DYNC2LI1: variants seen among roughly 807,000 people sequenced by gnomAD.
DYNC2LI1 encodes dynein cytoplasmic 2 light intermediate chain 1.
DYNC2LI1 carries 45 observed loss-of-function variants against 51.9 expected under a neutral mutation model. The observed-to-expected ratio is 0.87, with a 90% CI of 0.68 to 1.11. The LOEUF (loss-of-function observed/expected upper bound fraction) is 1.11, where lower values mean the gene tolerates loss of function less well. Ranked by LOEUF, DYNC2LI1 falls within the 50% of genes most tolerant of loss-of-function variation. The pLI is 0.00. For missense variants in DYNC2LI1, 490 were observed against 417.4 expected (o/e 1.17, Z -1.51); for synonymous variants, 130 against 137.8 (o/e 0.94, Z 0.40).
At chr2:43,814,678 A>G (rs1203055067), downstream of DYNC2LI1, 2 of 771,680 alleles carry the variant, frequency 2.6e-6, no homozygotes, top group African/African-American at 3.5e-5. Flanking sequence ...ATATTTTCCA[A>G]CAGGAATATA....
chr2:43,819,854 A>T, the DYNC2LI1 span: 1 of 1,559,012 alleles, frequency 6.4e-7, no homozygotes, highest in South Asian at 1.1e-5. Flanking sequence ...TTCAGTCATT[A>T]TTAGGTGATC....
At chr2:43,828,074 T>C in the DYNC2LI1 span, 10 of 1,614,132 alleles carry the variant, frequency 6.2e-6, no homozygotes, top group Non-Finnish European at 7.6e-6. Flanking sequence ...TCAGTCGGTC[T>C]GCCACATGGC....
chr2:43,812,136 T>G (rs1329861952), downstream of DYNC2LI1, among the ~76,000 whole-genome samples: 1 of 152,008 alleles, frequency 6.6e-6, no homozygotes, highest in Admixed American at 6.6e-5. Flanking sequence ...CTGCAGCCCC[T>G]GCCTCCTAGG....
rs775913245 is a variant in DYNC2LI1 at position 43,800,929 on chromosome 2, A to T, written c.731+12A>T. The T allele has an allele frequency of 2.0e-6, 3 of 1,532,048 alleles. No individual in the cohort carries two copies. The highest frequency in any genetic ancestry group is 1.8e-5 in the Admixed American group (1 of 56,444). 94.9% of individuals were successfully genotyped at this position (1,532,048 alleles called of 1,614,324 possible). On this transcript the variant is annotated intron_variant, in intron 9 of 12. Transcript: ENST00000260605. The stretch of plus-strand genomic sequence containing the variant: ...GGCATTGACAAAAGGTACTGCTAAG[A>T]TATTTTTTATATCATTTATTGAGTG...
the DYNC2LI1 span, chr2:43,823,990 A>AT: frequency 1.2e-6 from 2 of 1,614,214 alleles, no homozygotes; most frequent in Non-Finnish European, 1.7e-6. Context: ...GCGGTCCTGG[A>AT]TAGCACCCTT....
intron 6 of DYNC2LI1, among the ~76,000 whole-genome samples, chr2:43,795,564 GC>G (rs1673997124): frequency 6.6e-6 from 1 of 152,074 alleles, no homozygotes; most frequent in Admixed American, 6.6e-5. Context: ...ACAAATCTAT[GC>G]TGGATAAATG....
At chr2:43,823,089 C>A in the DYNC2LI1 span, among the ~76,000 whole-genome samples, 2 of 142,204 alleles carry the variant, frequency 1.4e-5, no homozygotes, top group Non-Finnish European at 3.1e-5. Flanking sequence ...CTGCCATCCA[C>A]AGGACAATAA....
chr2:43,823,982 G>A, the DYNC2LI1 span: 93 of 1,614,060 alleles, frequency 5.8e-5, no homozygotes, highest in South Asian at 4.4e-4. Flanking sequence ...AGACCTACGC[G>A]GTCCTGGATA....
chr2:43,802,050 A>T (rs922159392), intron 10 of DYNC2LI1, among the ~76,000 whole-genome samples: 3 of 152,168 alleles, frequency 2.0e-5, no homozygotes, highest in Non-Finnish European at 4.4e-5. Context: ...TAGAGTAGTG[A>T]GGAAATTCAA....
chr2:43,825,169 C>T, the DYNC2LI1 span: 8 of 864,506 alleles, frequency 9.3e-6, no homozygotes, highest in Non-Finnish European at 1.4e-5. Flanking sequence ...AGCAGTCAGT[C>T]CTTCGATGAC....
chr2:43,815,338 G>C, the DYNC2LI1 span, among the ~76,000 whole-genome samples: 5 of 152,128 alleles, frequency 3.3e-5, no homozygotes, highest in African/African-American at 4.8e-5. Flanking sequence ...AGGAGCTTGA[G>C]AACTTCAAAA....
In DYNC2LI1 at chr2:43,795,874, A is replaced by T; in HGVS notation, c.508-16A>T. 6.2e-7 allele frequency: 1 copy of T among 1,602,526 alleles called. No homozygotes were observed. Among genetic ancestry groups the T allele is most frequent in the Non-Finnish European group, 8.5e-7 (1 of 1,170,036 alleles). ...TAAAGAATTACAACAACTCAAGGAA[A>T]TATGTTTATTAGCAGGATCATGAAT... On this transcript the variant is annotated splice_polypyrimidine_tract_variant and intron_variant, in intron 6 of 12. Transcript: ENST00000260605.
the DYNC2LI1 span, among the ~76,000 whole-genome samples, chr2:43,827,548 C>G: frequency 6.6e-6 from 1 of 152,128 alleles, no homozygotes; most frequent in Admixed American, 6.6e-5. Flanking sequence ...TGTTTTGATA[C>G]TCCCTTCCCC....
At chr2:43,825,978 T>TTTTG in the DYNC2LI1 span, among the ~76,000 whole-genome samples, 2 of 151,788 alleles carry the variant, frequency 1.3e-5, no homozygotes, top group Non-Finnish European at 2.9e-5. Context: ...ACTAACGGTT[T>TTTTG]TTTGTTTGTT....
chr2:43,818,714 C>T, the DYNC2LI1 span, among the ~76,000 whole-genome samples: 1 of 152,242 alleles, frequency 6.6e-6, no homozygotes. Context: ...TCATGGTCTT[C>T]GTGTGAAAAA....
the DYNC2LI1 span, chr2:43,828,051 C>G: frequency 1.7e-5 from 27 of 1,614,036 alleles, no homozygotes; most frequent in Admixed American, 1.7e-5. Flanking sequence ...GCCCCCCAAG[C>G]TGTAGTTGCC....
chr2:43,776,871 T>G lies in DYNC2LI1; in HGVS notation c.98T>G (p.Phe33Cys), dbSNP rs2288709. The G allele has an allele frequency of 1.9e-6, 3 of 1,598,816 alleles. No homozygotes were observed. The highest frequency in any genetic ancestry group is 1.3e-5 in the African/African-American group (1 of 74,150). The change falls in exon 2 of 13, where the codon TTT becomes TGT. Residue 33 changes from phenylalanine to cysteine, a missense_variant. By Grantham distance (205) the Phe-to-Cys change is radical (BLOSUM62 -2). Coordinates refer to ENST00000260605, the MANE Select transcript of DYNC2LI1 (RefSeq NM_016008.4). ...GATGGAGCTGAAATTGCAGAAAAAT[T>G]TGTTTTCTTCATTGGCAGTAAAAAT... ...EGDGAEIAEK[F>C]VFFIGSKNGG...
chr2:43,795,842 C>A (rs758556607), intron 6 of DYNC2LI1, 48 bp from the exon 7 acceptor site: 1 of 1,415,680 alleles, frequency 7.1e-7, no homozygotes, highest in South Asian at 1.2e-5. Context: ...TGCTAAGCAC[C>A]TAGCAATAAA....
intron 5 of DYNC2LI1, among the ~76,000 whole-genome samples, chr2:43,791,310 C>T (rs995686025): frequency 5.9e-5 from 9 of 152,128 alleles, no homozygotes; most frequent in African/African-American, 2.2e-4. Context: ...GGAGGTGGCT[C>T]TTACCTGGGT....
Sources: gnomAD v4.1 joint callset for allele counts (sites outside exome capture counted in the v4.1 genomes callset) on GRCh38, gnomAD v4.1.1 for gene constraint, MANE v1.5 for transcripts, NCBI Gene and HGNC (gene_info 2026-07-23, HGNC 2026-07-21) for gene names.